The following CTNNA2 variants were observed in gnomAD, a reference collection of about 807,000 sequenced individuals.
CTNNA2 encodes catenin alpha 2.
In CTNNA2, 42 loss-of-function variants were observed where a neutral mutation model predicts 101.0. The observed-to-expected ratio is 0.42, with a 90% CI of 0.32 to 0.54. The LOEUF is 0.54. Ranked by LOEUF, CTNNA2 falls within the 20% of genes least tolerant of loss-of-function variation. CTNNA2 has a pLI of 0.14. For missense variants in CTNNA2, 871 were observed against 1,223.1 expected, an observed-to-expected ratio of 0.71 and a Z score of 4.29; for synonymous variants, 450 against 456.4, an observed-to-expected ratio of 0.99 and a Z score of 0.18.
chr2:79,389,736 A>G (rs1356877571), intron 4 of CTNNA2, among the ~76,000 whole-genome samples: 2 of 152,206 alleles, frequency 1.3e-5, no homozygotes, highest in African/African-American at 2.4e-5. Flanking sequence ...AGTGGCATAG[A>G]TTAAAAGGTT....
At chr2:79,611,454 A>G (rs1404447112) in intron 1 of CTNNA2, among the ~76,000 whole-genome samples, 6 of 152,166 alleles carry the variant, frequency 3.9e-5, no homozygotes, top group Non-Finnish European at 5.9e-5. Context: ...CCCGCCTTCA[A>G]GGGGTCTCTC....
chr2:80,394,742 G>A (rs1323193828), intron 8 of CTNNA2, among the ~76,000 whole-genome samples: 1 of 151,176 alleles, frequency 6.6e-6, no homozygotes, highest in African/African-American at 2.5e-5. Flanking sequence ...ACAAAAATAA[G>A]GAGCCAAACT....
At chr2:79,691,028 A>G (rs563340889) in intron 2 of CTNNA2, among the ~76,000 whole-genome samples, 3 of 152,056 alleles carry the variant, frequency 2.0e-5, no homozygotes, top group Non-Finnish European at 4.4e-5. Flanking sequence ...AAGAAAGGTA[A>G]CACTTAAGAG....
intron 4 of CTNNA2, among the ~76,000 whole-genome samples, chr2:79,444,613 C>T (rs1213065800): frequency 6.6e-6 from 1 of 152,060 alleles, no homozygotes; most frequent in Non-Finnish European, 1.5e-5. Flanking sequence ...CTTATGAACC[C>T]CCTGGTGGTT....
At chr2:80,003,714 C>G (rs921286149) in intron 7 of CTNNA2, among the ~76,000 whole-genome samples, 4 of 152,098 alleles carry the variant, frequency 2.6e-5, no homozygotes, top group Non-Finnish European at 5.9e-5. Context: ...GCAGCTCTGC[C>G]CACGCTGGTT....
intron 7 of CTNNA2, among the ~76,000 whole-genome samples, chr2:80,391,374 A>G (rs1677499886): frequency 6.6e-6 from 1 of 152,118 alleles, no homozygotes; most frequent in Non-Finnish European, 1.5e-5. Context: ...CTCAGTAATT[A>G]TTTTGTGTAT....
rs73938263 is a variant in CTNNA2 at position 80,280,113 on chromosome 2, C to T, written c.1057-113098C>T. On this transcript the variant is annotated intron_variant, in intron 7 of 18. Transcript: ENST00000402739. ...TTGTTTTCCTTTTGTCCCTTTACCC[C>T]TTTGCTGAGCTGACCAAATAGGATC... Among the ~76,000 whole-genome samples, 1,171 of 151,610 alleles carry T rather than the reference C, an allele frequency of 7.7e-3. 14 individuals carry two copies. Among genetic ancestry groups the T allele is most frequent in the African/African-American group, 0.027 (1,098 of 41,386 alleles).
chr2:79,436,692 C>T (rs982549310), intron 4 of CTNNA2, among the ~76,000 whole-genome samples: 26 of 151,670 alleles, frequency 1.7e-4, no homozygotes, highest in African/African-American at 6.0e-4. Context: ...AGTGCAGTGG[C>T]GCAGTCTCGG....
intron 12 of CTNNA2, among the ~76,000 whole-genome samples, chr2:80,566,652 G>A (rs978437039): frequency 6.6e-6 from 1 of 152,166 alleles, no homozygotes; most frequent in Non-Finnish European, 1.5e-5. Flanking sequence ...GTGGACAGGA[G>A]GGGACAGAGG....
intron 7 of CTNNA2, among the ~76,000 whole-genome samples, chr2:80,145,598 A>G (rs550007074): frequency 6.6e-6 from 1 of 152,294 alleles, no homozygotes; most frequent in Admixed American, 6.5e-5. Context: ...ACTCTTTGTG[A>G]GGTAGATTAA....
intron 9 of CTNNA2, among the ~76,000 whole-genome samples, chr2:80,499,240 T>C (rs906674688): frequency 1.3e-5 from 2 of 152,200 alleles, no homozygotes; most frequent in Admixed American, 6.5e-5. Context: ...CACCATATTT[T>C]ATAATTCTGA....
intron 2 of CTNNA2, among the ~76,000 whole-genome samples, chr2:79,287,474 G>A (rs1481921225): frequency 3.9e-5 from 6 of 151,948 alleles, no homozygotes; most frequent in Non-Finnish European, 8.8e-5. Context: ...CCTTCAAACA[G>A]ACAGGACCCT....
Position 80,252,512 on chromosome 2 carries a change from A to G in CTNNA2, c.1057-140699A>G, listed in dbSNP as rs187869589. 2.2e-4 allele frequency among the ~76,000 whole-genome samples: 33 copies of G among 152,284 alleles called. No individual in the cohort carries two copies. In the East Asian group the frequency reaches 4.8e-3, roughly 22 times the overall value. On this transcript the variant is annotated intron_variant, in intron 7 of 18. Transcript: ENST00000402739. The stretch of plus-strand genomic sequence containing the variant: ...TATAGATGCAGTAAATTTGATCACC[A>G]TCAAGGGCTGTTAAACAACATGCAG...
intron 9 of CTNNA2, among the ~76,000 whole-genome samples, chr2:80,532,333 C>T (rs994791718): frequency 1.3e-5 from 2 of 152,152 alleles, no homozygotes; most frequent in Admixed American, 6.6e-5. Flanking sequence ...TGAAATCTTG[C>T]ACCCTCTAGC....
chr2:80,628,442 G>A (rs1028984665), intron 18 of CTNNA2, among the ~76,000 whole-genome samples: 9 of 151,332 alleles, frequency 5.9e-5, no homozygotes, highest in Non-Finnish European at 1.0e-4. Flanking sequence ...CAGAACAGAG[G>A]CCTCAGAAAT....
intron 16 of CTNNA2, among the ~76,000 whole-genome samples, chr2:80,606,367 A>AAC (rs67402125): frequency 0.073 from 10,053 of 137,368 alleles, 381 homozygotes; most frequent in Admixed American, 0.11. Flanking sequence ...AAACACATCA[A>AAC]ACACACACAC....
intron 7 of CTNNA2, among the ~76,000 whole-genome samples, chr2:80,345,278 T>C (rs1054788051): frequency 3.3e-5 from 5 of 152,180 alleles, no homozygotes; most frequent in African/African-American, 1.2e-4. Flanking sequence ...ACTAGCCCCA[T>C]TGCCATTCTC....
intron 2 of CTNNA2, among the ~76,000 whole-genome samples, chr2:79,275,228 G>T (rs1409789162): frequency 1.3e-5 from 2 of 152,048 alleles, no homozygotes; most frequent in Non-Finnish European, 2.9e-5. Context: ...CATATAGGCT[G>T]TGCCCAAAAG....
At chr2:79,901,110 T>A (rs1685042957) in intron 6 of CTNNA2, among the ~76,000 whole-genome samples, 1 of 152,182 alleles carries the variant, frequency 6.6e-6, no homozygotes, top group South Asian at 2.1e-4. Context: ...AAACATGCAT[T>A]GTCATTTAGG....
Sources: gnomAD v4.1 joint callset for allele counts (sites outside exome capture counted in the v4.1 genomes callset) on GRCh38, gnomAD v4.1.1 for gene constraint, MANE v1.5 for transcripts, NCBI Gene and HGNC (gene_info 2026-07-23, HGNC 2026-07-21) for gene names.